The following MYH7B variants were observed in gnomAD, a reference collection of about 807,000 sequenced individuals.
MYH7B encodes myosin-7B.
A neutral mutation model predicts 234.5 loss-of-function variants in MYH7B; 205 were observed. That is an observed-to-expected ratio of 0.87 (90% CI 0.78 to 0.98). The LOEUF is 0.98. Ranked by LOEUF, MYH7B falls within the 50% of genes least tolerant of loss-of-function variation. The pLI is 0.00. For missense variants in MYH7B, 2,652 were observed against 2,633.4 expected, an observed-to-expected ratio of 1.01 and a Z score of -0.15; for synonymous variants, 1,193 against 1,105.0, an observed-to-expected ratio of 1.08 and a Z score of -1.58.
intron 30 of MYH7B, 37 bp downstream of exon 30, chr20:34,996,795 G>A: frequency 6.3e-7 from 1 of 1,591,128 alleles, no homozygotes; most frequent in Non-Finnish European, 8.5e-7. Context: ...GGCCTTCTGA[G>A]CCTGCACCTG....
intron 32 of MYH7B, 67 bp from the exon 33 acceptor site, chr20:34,998,228 C>G (rs988278149): frequency 1.3e-5 from 21 of 1,571,970 alleles, no homozygotes; most frequent in Non-Finnish European, 1.7e-5. Context: ...CCAGATCCTG[C>G]CATCTGATGC....
chr20:34,989,435 G>C (rs2082097689), intron 19 of MYH7B, among the ~76,000 whole-genome samples: 1 of 152,208 alleles, frequency 6.6e-6, no homozygotes, highest in Admixed American at 6.5e-5. Context: ...GTGTGTGACA[G>C]CCATGGCTGT....
chr20:34,955,936 G>C (rs1643416762), exon 1 of MYH7B: 2 of 152,560 alleles, frequency 1.3e-5, no homozygotes, highest in African/African-American at 2.4e-5. Context: ...TTAGGAGTGC[G>C]TCGGCTGCAC....
At chr20:34,972,498 T>C (rs2081802404) in intron 2 of MYH7B, among the ~76,000 whole-genome samples, 1 of 152,150 alleles carries the variant, frequency 6.6e-6, no homozygotes, top group Non-Finnish European at 1.5e-5. Flanking sequence ...TGTTTCATGC[T>C]TACCACTTGC....
chr20:34,959,732 C>T (rs2081674972), intron 2 of MYH7B, among the ~76,000 whole-genome samples: 1 of 152,176 alleles, frequency 6.6e-6, no homozygotes, highest in Admixed American at 6.5e-5. Flanking sequence ...CTGCCTCAGC[C>T]TCCCAAAGTG....
rs779470284 is a variant in MYH7B, at chr20:34,997,344, G to A, written c.3451G>A (p.Glu1151Lys). ...GCGTGCAGAGGCGGCGCGGGAGCTG[G>A]AGGAGCTGAGCGAGCGGCTGGAGGA... The change falls in exon 32 of 45, where the codon GAG becomes AAG. Residue 1151 changes from glutamate to lysine, a missense_variant. Coordinates refer to ENST00000262873, the Ensembl canonical transcript of MYH7B. The A allele has an allele frequency of 3.9e-6, 6 of 1,542,068 alleles. No homozygotes were observed. The highest frequency in any genetic ancestry group is 4.1e-5 in the Admixed American group (2 of 49,344).
chr20:34,996,837 C>T (rs1239257901), intron 30 of MYH7B, 79 bp downstream of exon 30: 2 of 1,547,928 alleles, frequency 1.3e-6, no homozygotes, highest in South Asian at 1.3e-5. Context: ...CTTGTGGTTC[C>T]TGCGGCATTG....
At chr20:35,001,551 C>G (rs767741618) in intron 43 of MYH7B, 25 bp downstream of exon 43, 5 of 1,572,414 alleles carry the variant, frequency 3.2e-6, no homozygotes, top group Non-Finnish European at 4.3e-6. Flanking sequence ...GCCTGGACAC[C>G]TGGACCGGGC....
chr20:34,976,774 G>T (rs1440575366), intron 3 of MYH7B, among the ~76,000 whole-genome samples: 2 of 152,208 alleles, frequency 1.3e-5, no homozygotes, highest in East Asian at 1.9e-4. Flanking sequence ...AAGAGGGAAA[G>T]AGGGCATCGA....
chr20:34,977,196 C>G (rs185136817), intron 3 of MYH7B, among the ~76,000 whole-genome samples: 38 of 152,060 alleles, frequency 2.5e-4, no homozygotes, highest in Admixed American at 2.4e-3. Flanking sequence ...GTCTGTGAGA[C>G]TTGGCCAATG....
chr20:35,001,185 C>T (rs553728949), intron 41 of MYH7B, 27 bp downstream of exon 41: 20 of 1,608,154 alleles, frequency 1.2e-5, no homozygotes, highest in East Asian at 4.5e-5. Flanking sequence ...TAGTCCTTGG[C>T]GCAGGCAGGG....
Position 34,989,593 on chromosome 20 carries a change from G to C in MYH7B, c.1588-147G>C, listed in dbSNP as rs1055724431. The C allele has an allele frequency of 3.3e-5, 25 of 748,400 alleles. No individual in the cohort carries two copies. In the African/African-American group the frequency reaches 4.4e-4, roughly 13 times the overall value. The allele number at this position is 748,400 out of a possible 1,614,324, so 46.4% of individuals were successfully genotyped here. On this transcript the variant is annotated intron_variant, in intron 19 of 44. Transcript: ENST00000262873. ...TGTTAGGAGATGGGTTCTTGGAGTG[G>C]GTGTGGTGTCTGACCATCCGGGGAG...
intron 28 of MYH7B, 123 bp from the exon 29 acceptor site, chr20:34,996,223 G>A (rs556641952): frequency 3.5e-5 from 40 of 1,150,898 alleles, no homozygotes; most frequent in East Asian, 7.7e-5. Context: ...GTGGAGGCTC[G>A]GAGTCAAGTG....
At position 35,000,348 on chromosome 20, in the gene MYH7B, C is replaced by T. The variant is rs376114166; in HGVS notation, c.4837C>T (p.Arg1613Trp). Reference sequence around the variant, plus strand: ...GCAGGCCTCCCTGGATGCAGAGACACGGGCCCGCAATGAGGCGCTGCGGCT... The same window carrying T: ...GCAGGCCTCCCTGGATGCAGAGACATGGGCCCGCAATGAGGCGCTGCGGCT... The change falls in exon 39 of 45, where the codon CGG becomes TGG. Residue 1613 changes from arginine (R) to tryptophan (W), a missense_variant. Physicochemically the swap from Arg to Trp is moderately radical, Grantham distance 101. This residue lies in a region of MYH7B where 2,279 missense variants were observed against 2,211.4 expected (regional missense o/e 1.03). Coordinates refer to ENST00000262873, the Ensembl canonical transcript of MYH7B. The T allele has an allele frequency of 1.4e-5, 22 of 1,597,566 alleles. No homozygotes were observed. Among genetic ancestry groups the T allele is most frequent in the East Asian group, 8.9e-5 (4 of 44,874 alleles).
Position 34,998,743 on chromosome 20 carries a change from G to GGCTC in MYH7B, c.4018_4019insGCTC (p.Val1340GlyfsTer10). On this transcript the variant is annotated frameshift_variant, in exon 35 of 45. Coordinates refer to ENST00000262873, the Ensembl canonical transcript of MYH7B. LOFTEE classifies it high-confidence loss of function. Reference sequence around the variant, plus strand: ...GGCCAAGAGTGCCCTGGCCCACGCCGTGCAGGCTCTGCGGCACGACTGTGA... The same window carrying GGCTC: ...GGCCAAGAGTGCCCTGGCCCACGCCGGCTCTGCAGGCTCTGCGGCACGACTGTGA... 4 of 1,612,198 alleles carry GGCTC rather than the reference G, an allele frequency of 2.5e-6. No homozygotes were observed. Among genetic ancestry groups the GGCTC allele is most frequent in the Non-Finnish European group, 3.4e-6 (4 of 1,179,682 alleles).
chr20:34,975,651 C>T (rs555308143), intron 3 of MYH7B, among the ~76,000 whole-genome samples, 152 bp downstream of exon 3: 3 of 152,286 alleles, frequency 2.0e-5, no homozygotes, highest in African/African-American at 7.2e-5. Context: ...AATGGAGACA[C>T]ACTGTAGGAC....
chr20:35,001,812 T>G, intron 43 of MYH7B, 136 bp from the exon 44 acceptor site: 1 of 1,340,496 alleles, frequency 7.5e-7, no homozygotes, highest in South Asian at 1.4e-5. Context: ...CGCTGTGGTA[T>G]TGGTGAGGAT....
At position 35,000,491 on chromosome 20, in the gene MYH7B, G is replaced by A. The variant is rs763550286; in HGVS notation, c.4980G>A (p.Glu1660=). The change falls in exon 39 of 45, where the codon GAG becomes GAA. Residue 1660 remains glutamate (E), a synonymous_variant. Transcript: ENST00000262873. ...TGATGCAGGCACAGCTCAAGGAGGA[G>A]CAGGCAGGGCGGGACGAGGAGCAGC... 22 of 1,599,970 alleles carry A rather than the reference G, an allele frequency of 1.4e-5. No homozygotes were observed. Among genetic ancestry groups the A allele is most frequent in the Middle Eastern group, 2.0e-4 (1 of 4,894 alleles).
At chr20:34,978,778 G>C (rs1397976170) in intron 5 of MYH7B, among the ~76,000 whole-genome samples, 1 of 152,094 alleles carries the variant, frequency 6.6e-6, no homozygotes, top group Non-Finnish European at 1.5e-5. Context: ...TTTGTACTGG[G>C]GTCTGTAGGT....
Sources: gnomAD v4.1 joint callset for allele counts (sites outside exome capture counted in the v4.1 genomes callset) on GRCh38, gnomAD v4.1.1 for gene constraint, gnomAD v4.1.1 regional missense constraint, MANE v1.5 for transcripts, NCBI Gene and HGNC (gene_info 2026-07-23, HGNC 2026-07-21) for gene names.